The following FSTL5 variants were observed in gnomAD, a reference collection of about 807,000 sequenced individuals.
The protein encoded by FSTL5 is follistatin-related protein 5.
In FSTL5, 62 loss-of-function variants were observed where a neutral mutation model predicts 89.1. The ratio of observed to expected loss-of-function variants is 0.70; its 90% CI spans 0.57 to 0.86. The LOEUF (loss-of-function observed/expected upper bound fraction) is 0.86. Ranked by LOEUF, FSTL5 falls within the 40% of genes least tolerant of loss-of-function variation. FSTL5 has a pLI of 0.00. For synonymous variants in FSTL5, 383 were observed against 346.2 expected (o/e 1.11, Z -1.18); for missense variants, 1,057 against 1,001.6 (o/e 1.06, Z -0.75).
intron 3 of FSTL5, among the ~76,000 whole-genome samples, chr4:162,009,899 G>A (rs767312973): frequency 6.6e-6 from 1 of 150,742 alleles, no homozygotes; most frequent in African/African-American, 2.4e-5. Flanking sequence ...GCATGCAATT[G>A]TTGCTCTTTG....
intron 4 of FSTL5, among the ~76,000 whole-genome samples, chr4:161,874,950 C>T (rs187591155): frequency 6.6e-6 from 1 of 152,208 alleles, no homozygotes; most frequent in African/African-American, 2.4e-5. Flanking sequence ...CACACACACA[C>T]GCCATCTATA....
intron 6 of FSTL5, among the ~76,000 whole-genome samples, chr4:161,690,351 G>A (rs1737886712): frequency 6.6e-6 from 1 of 151,792 alleles, no homozygotes; most frequent in African/African-American, 2.4e-5. Context: ...ATATAAAATT[G>A]ACCATCTTGT....
chr4:162,103,604 G>A (rs1731088606), intron 2 of FSTL5, among the ~76,000 whole-genome samples: 1 of 152,166 alleles, frequency 6.6e-6, no homozygotes, highest in Admixed American at 6.5e-5. Context: ...TACAGAAAAT[G>A]TCTCTCTCTG....
chr4:161,443,576 A>G (rs184565371), intron 15 of FSTL5, among the ~76,000 whole-genome samples: 28 of 152,022 alleles, frequency 1.8e-4, no homozygotes, highest in Admixed American at 1.5e-3. Flanking sequence ...TGTGTCTGGT[A>G]TTTGAAAAGT....
intron 15 of FSTL5, among the ~76,000 whole-genome samples, chr4:161,407,602 A>ATC (rs1452556022): frequency 7.9e-6 from 1 of 126,612 alleles, no homozygotes; most frequent in Non-Finnish European, 1.8e-5. Flanking sequence ...TGGCAAGGGG[A>ATC]TCTCCCTGGA....
intron 7 of FSTL5, among the ~76,000 whole-genome samples, chr4:161,635,366 C>A (rs185994471): frequency 1.5e-3 from 221 of 152,028 alleles, no homozygotes; most frequent in Middle Eastern, 3.4e-3. Flanking sequence ...CCAGCCTGGG[C>A]GATAGAGTGA....
At chr4:161,800,745 A>G (rs866199553) in intron 4 of FSTL5, among the ~76,000 whole-genome samples, 3 of 151,650 alleles carry the variant, frequency 2.0e-5, no homozygotes, top group African/African-American at 7.2e-5. Flanking sequence ...GAAACTTGTT[A>G]CCTTAAAAAA....
intron 4 of FSTL5, among the ~76,000 whole-genome samples, chr4:161,778,520 A>T (rs965155292): frequency 3.3e-5 from 5 of 152,226 alleles, no homozygotes; most frequent in African/African-American, 1.2e-4. Context: ...ACAAAATGGA[A>T]AACAATCTCT....
intron 2 of FSTL5, among the ~76,000 whole-genome samples, chr4:162,046,912 A>T (rs1029024226): frequency 3.3e-5 from 5 of 152,148 alleles, no homozygotes; most frequent in African/African-American, 1.2e-4. Flanking sequence ...TTGTCATAGG[A>T]ATCTAATTAT....
At chr4:161,931,158 A>G (rs1734273915) in intron 3 of FSTL5, among the ~76,000 whole-genome samples, 1 of 151,896 alleles carries the variant, frequency 6.6e-6, no homozygotes. Context: ...GATTATGATT[A>G]TGATTGTTAC....
At chr4:162,089,731 C>A (rs2111353991) in intron 2 of FSTL5, among the ~76,000 whole-genome samples, 1 of 151,834 alleles carries the variant, frequency 6.6e-6, no homozygotes, top group East Asian at 1.9e-4. Context: ...AAACTTCTGC[C>A]TACAGAACAG....
Position 162,077,978 on chromosome 4 carries a change from A to C in FSTL5, c.126+33293T>G, listed in dbSNP as rs531851318. Among the ~76,000 whole-genome samples the C allele has an allele frequency of 3.7e-4, 57 of 152,002 alleles. No individual in the cohort carries two copies. The Middle Eastern group carries it at 0.01, about 27-fold the overall frequency. ...AATACTAGACTGTAATATCTTTATA[A>C]AGGCATTGGTGAGTTGATCACCAGC... On this transcript the variant is annotated intron_variant, in intron 2 of 15. Coordinates refer to ENST00000306100, the MANE Select transcript of FSTL5 (RefSeq NM_020116.5).
chr4:161,450,679 T>C (rs1349355196), intron 15 of FSTL5, among the ~76,000 whole-genome samples: 1 of 152,050 alleles, frequency 6.6e-6, no homozygotes, highest in Non-Finnish European at 1.5e-5. Flanking sequence ...TAGAAGGTAA[T>C]GTATTATCAT....
intron 4 of FSTL5, among the ~76,000 whole-genome samples, chr4:161,828,845 T>G (rs1278105821): frequency 2.0e-5 from 3 of 152,026 alleles, no homozygotes; most frequent in African/African-American, 7.2e-5. Context: ...GCTTTATAAA[T>G]GCAACCTGCA....
At chr4:161,569,799 A>ACC (rs1553998581) in intron 8 of FSTL5, among the ~76,000 whole-genome samples, 69 of 124,270 alleles carry the variant, frequency 5.6e-4, no homozygotes, top group Admixed American at 1.6e-3. Flanking sequence ...ACACACACAC[A>ACC]CCCCACATTG....
intron 2 of FSTL5, among the ~76,000 whole-genome samples, chr4:162,079,276 A>G (rs72693251): frequency 0.053 from 8,100 of 151,762 alleles, 390 homozygotes; most frequent in East Asian, 0.24. Flanking sequence ...GACGCATCCC[A>G]TAAGTAATAC....
chr4:161,665,145 A>G (rs929239307), intron 6 of FSTL5, among the ~76,000 whole-genome samples: 2 of 152,226 alleles, frequency 1.3e-5, no homozygotes, highest in Non-Finnish European at 2.9e-5. Flanking sequence ...TTACCAATGT[A>G]ACAAACCTGC....
At chr4:161,489,861 T>C (rs1417785959) in intron 12 of FSTL5, among the ~76,000 whole-genome samples, 1 of 152,186 alleles carries the variant, frequency 6.6e-6, no homozygotes, top group Non-Finnish European at 1.5e-5. Context: ...AGAGGGAGTT[T>C]AGGATACTTT....
chr4:161,914,730 A>G (rs1399335884), intron 4 of FSTL5, among the ~76,000 whole-genome samples: 1 of 152,186 alleles, frequency 6.6e-6, no homozygotes, highest in Non-Finnish European at 1.5e-5. Flanking sequence ...ATACAATACT[A>G]TAACTGAATA....
Sources: allele counts gnomAD v4.1 joint callset (sites outside exome capture counted in the v4.1 genomes callset), GRCh38; gene constraint gnomAD v4.1.1; transcripts MANE v1.5; gene names NCBI Gene and HGNC (gene_info 2026-07-23, HGNC 2026-07-21).